The following EVI5 variants were observed in gnomAD, a reference collection of about 807,000 sequenced individuals.
The protein encoded by EVI5 is ecotropic viral integration site 5, also known as ecotropic viral integration site 5 protein homolog.
Under a neutral mutation model 112.0 loss-of-function variants are expected in EVI5, and 73 were observed. The observed-to-expected ratio is 0.65, with a 90% CI of 0.54 to 0.79. EVI5 has a LOEUF of 0.79. Among genes scored for constraint, EVI5 ranks in the 30% least tolerant of loss-of-function variants. The pLI is 0.00. For synonymous variants in EVI5, 305 were observed against 319.9 expected, an observed-to-expected ratio of 0.95 and a Z score of 0.50; for missense variants, 900 against 968.8, an observed-to-expected ratio of 0.93 and a Z score of 0.94.
intron 18 of EVI5, among the ~76,000 whole-genome samples, chr1:92,587,972 C>T (rs1192486170): frequency 1.3e-5 from 2 of 152,144 alleles, no homozygotes; most frequent in Non-Finnish European, 2.9e-5. Context: ...ACCTATTTTC[C>T]TTAACTAACT....
rs533833391 is a variant in EVI5, at chr1:92,684,502, C to A, written c.1098-7284G>T. On this transcript the variant is annotated intron_variant, in intron 9 of 19. Transcript: ENST00000684568. ...TGAAGAAACTGAATCAATTAATGGGCAAAATAACCAGCTAACATCACAATG... is the reference window on the plus strand; with the variant it reads ...TGAAGAAACTGAATCAATTAATGGGAAAAATAACCAGCTAACATCACAATG... Among the ~76,000 whole-genome samples the A allele has an allele frequency of 3.9e-5, 6 of 152,164 alleles. No individual in the cohort carries two copies. The South Asian group carries it at 1.0e-3, about 26-fold the overall frequency.
chr1:92,551,345 TC>T (rs1666909710), intron 19 of EVI5, among the ~76,000 whole-genome samples: 2 of 152,220 alleles, frequency 1.3e-5, no homozygotes, highest in South Asian at 4.1e-4. Flanking sequence ...GAATTTCTAT[TC>T]CTCCCCCTTC....
At chr1:92,591,176 C>G (rs1478321991) in intron 18 of EVI5, among the ~76,000 whole-genome samples, 1 of 152,134 alleles carries the variant, frequency 6.6e-6, no homozygotes, top group Non-Finnish European at 1.5e-5. Flanking sequence ...ATTGTAAAGA[C>G]CATCAAGGCT....
intron 16 of EVI5, among the ~76,000 whole-genome samples, chr1:92,621,027 T>A (rs1654443192): frequency 6.6e-6 from 1 of 152,030 alleles, no homozygotes; most frequent in Admixed American, 6.5e-5. Context: ...TTATTTATAA[T>A]TTATTATTTG....
chr1:92,570,542 G>C (rs1410449528), intron 18 of EVI5, among the ~76,000 whole-genome samples: 1 of 152,154 alleles, frequency 6.6e-6, no homozygotes, highest in African/African-American at 2.4e-5. Context: ...GCAATAATAT[G>C]TGGGATAATA....
At chr1:92,745,512 T>C (rs539478173) in intron 1 of EVI5, among the ~76,000 whole-genome samples, 1 of 152,128 alleles carries the variant, frequency 6.6e-6, no homozygotes, top group African/African-American at 2.4e-5. Flanking sequence ...TGCCTCTCAG[T>C]ACCTTAAGAA....
intron 19 of EVI5, among the ~76,000 whole-genome samples, chr1:92,557,200 G>C (rs1230577585): frequency 1.3e-5 from 2 of 152,022 alleles, no homozygotes; most frequent in Non-Finnish European, 2.9e-5. Context: ...TTATCTACCT[G>C]AGTTTTATTT....
intron 1 of EVI5, among the ~76,000 whole-genome samples, chr1:92,760,937 A>G (rs1681748725): frequency 6.6e-6 from 1 of 151,218 alleles, no homozygotes; most frequent in Non-Finnish European, 1.5e-5. Flanking sequence ...GGGCGCCTGT[A>G]GTCCCAGCTA....
chr1:92,629,510 C>T (rs1381874620), intron 14 of EVI5, among the ~76,000 whole-genome samples: 1 of 152,180 alleles, frequency 6.6e-6, no homozygotes, highest in Non-Finnish European at 1.5e-5. Context: ...ACTCCCATTA[C>T]TTATCTCATC....
intron 2 of EVI5, among the ~76,000 whole-genome samples, chr1:92,720,727 AGT>A (rs1674597963): frequency 6.6e-6 from 1 of 152,220 alleles, no homozygotes; most frequent in Non-Finnish European, 1.5e-5. Flanking sequence ...CTACCATCAG[AGT>A]GAACAGGCAA....
At chr1:92,633,738 T>C (rs1307661090) in intron 14 of EVI5, among the ~76,000 whole-genome samples, 1 of 152,156 alleles carries the variant, frequency 6.6e-6, no homozygotes, top group Non-Finnish European at 1.5e-5. Flanking sequence ...ATAACGAGCA[T>C]ATTTTGCTCG....
intron 13 of EVI5, among the ~76,000 whole-genome samples, chr1:92,659,242 T>C (rs1169942917): frequency 6.6e-6 from 1 of 151,842 alleles, no homozygotes; most frequent in Non-Finnish European, 1.5e-5. Context: ...AAAACAAAAA[T>C]AGACAAATAG....
At chr1:92,578,491 G>A (rs1051346597) in intron 18 of EVI5, among the ~76,000 whole-genome samples, 4 of 152,108 alleles carry the variant, frequency 2.6e-5, no homozygotes, top group South Asian at 4.2e-4. Context: ...TGAGGCGGGC[G>A]GATTACGAGG....
At chr1:92,731,426 A>G (rs1433930119) in intron 2 of EVI5, among the ~76,000 whole-genome samples, 1 of 152,244 alleles carries the variant, frequency 6.6e-6, no homozygotes, top group African/African-American at 2.4e-5. Context: ...AAGTTTACAA[A>G]AACAATACCA....
chr1:92,788,913 C>A (rs1685878184), upstream of EVI5, among the ~76,000 whole-genome samples: 1 of 152,166 alleles, frequency 6.6e-6, no homozygotes, highest in African/African-American at 2.4e-5. Flanking sequence ...TGTATACATA[C>A]ACTATTTCGT....
intron 14 of EVI5, among the ~76,000 whole-genome samples, chr1:92,633,810 G>A (rs11833858): frequency 9.9e-5 from 15 of 152,142 alleles, no homozygotes; most frequent in African/African-American, 3.6e-4. Context: ...TTTTTGCAGT[G>A]GCTGGTACCA....
intron 14 of EVI5, among the ~76,000 whole-genome samples, chr1:92,634,441 G>A (rs918041345): frequency 6.6e-5 from 10 of 151,800 alleles, no homozygotes; most frequent in Admixed American, 2.0e-4. Context: ...ATATTCCATC[G>A]CTGATACCCT....
At chr1:92,526,911 AG>A (rs1661969824) in intron 19 of EVI5, among the ~76,000 whole-genome samples, 1 of 152,238 alleles carries the variant, frequency 6.6e-6, no homozygotes, top group East Asian at 1.9e-4. Flanking sequence ...AAGCTACTGC[AG>A]GATGTCAATT....
Position 92,651,797 on chromosome 1 carries a change from G to A in EVI5, c.1392+10922C>T, listed in dbSNP as rs957509317. On this transcript the variant is annotated intron_variant, in intron 13 of 19. Transcript: ENST00000684568. ...ACCCGGGAGGCGGAGCTTGCAGTGAGCCGAGATCCCGCCACTGCACTCCAG... is the reference window on the plus strand; with the variant it reads ...ACCCGGGAGGCGGAGCTTGCAGTGAACCGAGATCCCGCCACTGCACTCCAG... Among the ~76,000 whole-genome samples the A allele has an allele frequency of 7.0e-5, 10 of 142,522 alleles. No individual in the cohort carries two copies. In the East Asian group the frequency reaches 1.6e-3, roughly 23 times the overall value. 93.5% of individuals were successfully genotyped at this position (142,522 alleles called of 152,430 possible).
Sources: gnomAD v4.1 joint callset for allele counts (sites outside exome capture counted in the v4.1 genomes callset) on GRCh38, gnomAD v4.1.1 for gene constraint, MANE v1.5 for transcripts, NCBI Gene and HGNC (gene_info 2026-07-23, HGNC 2026-07-21) for gene names.